The following FAM151A variants were observed in gnomAD, a reference collection of about 807,000 sequenced individuals.
The protein encoded by FAM151A is family with sequence similarity 151 member A.
In FAM151A, 41 loss-of-function variants were observed where a neutral mutation model predicts 40.4. The ratio of observed to expected loss-of-function variants is 1.01; its 90% CI spans 0.79 to 1.32. The LOEUF is 1.32. FAM151A is among the 40% of genes most tolerant of loss of function. FAM151A has a pLI of 0.00. For missense variants in FAM151A, 740 were observed against 740.4 expected (o/e 1.00, Z 0.01); for synonymous variants, 337 against 312.5 (o/e 1.08, Z -0.83).
Position 54,609,710 on chromosome 1 carries a change from C to T in FAM151A, c.1316G>A (p.Trp439Ter), listed in dbSNP as rs774281265. 6.2e-7 allele frequency: 1 copy of T among 1,614,080 alleles called. No individual in the cohort carries two copies. Among genetic ancestry groups the T allele is most frequent in the East Asian group, 2.2e-5 (1 of 44,884 alleles). Residue 439 changes from tryptophan (W) to a stop codon, truncating the protein, a stop_gained, in exon 8 of 8, where the codon TGG (tryptophan) becomes TAG (stop). Coordinates refer to ENST00000302250, the MANE Select transcript of FAM151A (RefSeq NM_176782.3). LOFTEE classifies it low-confidence loss of function (END_TRUNC). ...GATTTTGGCCCCAACCCACACAGGC[C>T]AATGCAAGAGGCCAAGGCTGGAGAG... ...ARLSSLGLLH[W>*]PVWVGAKISH...
At position 54,623,405 on chromosome 1, in the gene FAM151A, C is replaced by G. The variant is rs201231812; in HGVS notation, c.-10G>C. The G allele has an allele frequency of 3.0e-5, 48 of 1,607,986 alleles. 1 individual carries two copies. Among genetic ancestry groups the G allele is most frequent in the Non-Finnish European group, 4.1e-5 (48 of 1,174,832 alleles). The stretch of plus-strand genomic sequence containing the variant: ...GCTCCCTGCAGACCATGGCGACGCT[C>G]TCTGGGGAATGCCCCCAACTCCGTG... On this transcript the variant is annotated 5_prime_UTR_variant, in exon 1 of 8. Transcript: ENST00000302250.
At chr1:54,611,863 G>C (rs550543284) in intron 5 of FAM151A, 118 bp from the exon 6 acceptor site, 12 of 1,165,486 alleles carry the variant, frequency 1.0e-5, no homozygotes, top group Admixed American at 6.8e-5. Flanking sequence ...TCCTCCAGTC[G>C]CCCACCTGCC....
Position 54,609,455 on chromosome 1 carries a change from G to A in FAM151A, c.1571C>T (p.Ala524Val). 5.6e-6 allele frequency: 9 copies of A among 1,613,684 alleles called. No individual in the cohort carries two copies. The highest frequency in any genetic ancestry group is 6.8e-6 in the Non-Finnish European group (8 of 1,180,010). ...GGAGGATGCCAGCAGCCTGCCTATG[G>A]CTCCAGCTGTGCTGTGGCCCAGCAG... ...AMLLGHSTAG[A>V]IGRLLASSPR... The change falls in exon 8 of 8, where the codon GCC (alanine) becomes GTC (valine). Residue 524 changes from alanine (A) to valine (V), a missense_variant. Ala to Val is a moderately conservative substitution (Grantham distance 64). Coordinates refer to ENST00000302250, the MANE Select transcript of FAM151A (RefSeq NM_176782.3).
chr1:54,610,447 T>G lies in FAM151A; in HGVS notation c.1049A>C (p.Gln350Pro). The G allele has an allele frequency of 1.4e-5, 22 of 1,613,678 alleles. No individual in the cohort carries two copies. The highest frequency in any genetic ancestry group is 1.9e-5 in the Non-Finnish European group (22 of 1,179,742). ...LNVEWLVPDV[Q>P]GSGKTATMTL... The stretch of plus-strand genomic sequence containing the variant: ...CATTGTTGCTGTTTTACCGCTGCCC[T>G]GGACGTCAGGAACCAGCCACTCCAC... The change falls in exon 7 of 8, where the codon CAG becomes CCG. Residue 350 changes from glutamine to proline, a missense_variant. By Grantham distance (76) the Gln-to-Pro change is moderately conservative. Transcript: ENST00000302250.
chr1:54,613,748 G>A (rs1237984258), intron 4 of FAM151A, among the ~76,000 whole-genome samples: 1 of 152,166 alleles, frequency 6.6e-6, no homozygotes, highest in African/African-American at 2.4e-5. Context: ...AGGAAGACAG[G>A]TCATATTTAT....
intron 5 of FAM151A, among the ~76,000 whole-genome samples, chr1:54,611,982 C>T (rs1437689840): frequency 1.3e-5 from 2 of 151,752 alleles, no homozygotes; most frequent in Non-Finnish European, 2.9e-5. Context: ...GCTGCCTCCT[C>T]ACTTGCAGTG....
chr1:54,616,649 A>G (rs1408726353), intron 2 of FAM151A, among the ~76,000 whole-genome samples: 1 of 152,202 alleles, frequency 6.6e-6, no homozygotes, highest in African/African-American at 2.4e-5. Context: ...CTGGGATTAC[A>G]GGCGTGAGCC....
chr1:54,611,524 A>C, intron 6 of FAM151A, 82 bp downstream of exon 6: 1 of 1,460,584 alleles, frequency 6.8e-7, no homozygotes, highest in Non-Finnish European at 9.5e-7. Flanking sequence ...TATCCCTTCC[A>C]CCCAGCTCTG....
chr1:54,616,149 C>G lies in FAM151A; in HGVS notation c.286G>C (p.Asp96His). The G allele has an allele frequency of 6.2e-7, 1 of 1,614,208 alleles. No homozygotes were observed. The highest frequency in any genetic ancestry group is 1.3e-5 in the African/African-American group (1 of 75,044). ...GTGCCGAGCCCTTCTACATTGACGTCAGCCTCCAGGACTGTGATGTTGCCT... is the reference window on the plus strand; with the variant it reads ...GTGCCGAGCCCTTCTACATTGACGTGAGCCTCCAGGACTGTGATGTTGCCT... ...LNSNITVLEADVNVEGLGTAN... is the reference protein window; with the variant it reads ...LNSNITVLEAHVNVEGLGTAN... Residue 96 changes from aspartate (D) to histidine (H), a missense_variant, in exon 3 of 8, where the codon GAC becomes CAC. Coordinates refer to ENST00000302250, the MANE Select transcript of FAM151A (RefSeq NM_176782.3).
intron 2 of FAM151A, 122 bp downstream of exon 2, chr1:54,619,742 G>T: frequency 9.8e-7 from 1 of 1,019,658 alleles, no homozygotes; most frequent in Non-Finnish European, 1.4e-6. Context: ...ATTTCCTCAT[G>T]CTGAAAGACA....
At chr1:54,617,654 C>A (rs1200591574) in intron 2 of FAM151A, among the ~76,000 whole-genome samples, 1 of 150,706 alleles carries the variant, frequency 6.6e-6, no homozygotes, top group African/African-American at 2.4e-5. Flanking sequence ...ACATAGATCC[C>A]CCAGGAACTG....
At position 54,614,858 on chromosome 1, in the gene FAM151A, G is replaced by A. The variant is rs202016416; in HGVS notation, c.417C>T (p.Gly139=). 44 of 1,613,376 alleles carry A rather than the reference G, an allele frequency of 2.7e-5. No homozygotes were observed. In the Middle Eastern group the frequency reaches 6.6e-4, roughly 24 times the overall value. ...TGATGTTCTTGAAGTCCAGTTTGATGCCTGTGGGGAAAGGAACAAGGGCTT... is the reference window on the plus strand; with the variant it reads ...TGATGTTCTTGAAGTCCAGTTTGATACCTGTGGGGAAAGGAACAAGGGCTT... The part of the protein sequence containing the change: ...LDAVLGSSQK[G]IKLDFKNIKA... The change falls in exon 4 of 8, where the codon GGC becomes GGT. Residue 139 remains glycine (G), a splice_region_variant and synonymous_variant. Transcript: ENST00000302250.
At chr1:54,613,870 G>A (rs1644144040) in intron 4 of FAM151A, among the ~76,000 whole-genome samples, 1 of 152,128 alleles carries the variant, frequency 6.6e-6, no homozygotes, top group African/African-American at 2.4e-5. Flanking sequence ...GAAAGAGCCT[G>A]GAGCTTAGAA....
chr1:54,613,555 T>C (rs1477199633), intron 4 of FAM151A, among the ~76,000 whole-genome samples: 2 of 152,164 alleles, frequency 1.3e-5, no homozygotes, highest in East Asian at 3.9e-4. Flanking sequence ...CCCAAAGTAC[T>C]GGGATTATAG....
Position 54,609,316 on chromosome 1 carries a change from T to C in FAM151A, c.1710A>G (p.Leu570=), listed in dbSNP as rs150959157. 9 of 1,612,670 alleles carry C rather than the reference T, an allele frequency of 5.6e-6. No homozygotes were observed. In the African/African-American group the frequency reaches 1.2e-4, roughly 22 times the overall value. The stretch of plus-strand genomic sequence containing the variant: ...GCAAGTCCTTGTGGTAGCCCTGGGG[T>C]AGCCTGTAGTAGACTCGGGTCCTGT... ...AVDRTRVYYR[L]PQGYHKDLLA... The change falls in exon 8 of 8, where the codon CTA becomes CTG. Residue 570 remains leucine (L), a synonymous_variant. Coordinates refer to ENST00000302250, the MANE Select transcript of FAM151A (RefSeq NM_176782.3).
Position 54,610,337 on chromosome 1 carries a change from C to T in FAM151A, c.1084+75G>A, listed in dbSNP as rs536753777. The T allele has an allele frequency of 1.8e-5, 28 of 1,564,778 alleles. 1 individual carries two copies. The highest frequency in any genetic ancestry group is 1.7e-4 in the Middle Eastern group (1 of 5,792). ...CCTGTGTTGCCATGGCAACAGAGAC[C>T]GGCGGTACCTGCCCCAAGCAAAGGA... On this transcript the variant is annotated intron_variant, in intron 7 of 7. Coordinates refer to ENST00000302250, the MANE Select transcript of FAM151A (RefSeq NM_176782.3).
At chr1:54,615,889 G>T in intron 3 of FAM151A, 131 bp downstream of exon 3, 2 of 905,882 alleles carry the variant, frequency 2.2e-6, no homozygotes, top group Non-Finnish European at 3.5e-6. Context: ...CTATAACATT[G>T]TGATGAGAAA....
intron 6 of FAM151A, 81 bp downstream of exon 6, chr1:54,611,525 C>A: frequency 2.0e-6 from 3 of 1,475,848 alleles, no homozygotes; most frequent in Non-Finnish European, 2.8e-6. Flanking sequence ...ATCCCTTCCA[C>A]CCAGCTCTGC....
At chr1:54,610,813 G>A (rs1010230102) in intron 6 of FAM151A, 390 of 985,264 alleles carry the variant, frequency 4.0e-4, no homozygotes, top group Non-Finnish European at 4.5e-4. Context: ...TATCCTTCCC[G>A]CTCGCTTAGG....
Sources: allele counts gnomAD v4.1 joint callset (sites outside exome capture counted in the v4.1 genomes callset), GRCh38; gene constraint gnomAD v4.1.1; transcripts MANE v1.5; gene names NCBI Gene and HGNC (gene_info 2026-07-23, HGNC 2026-07-21).